Variants in STAC observed in about 807,000 individuals in gnomAD.
STAC encodes SH3 and cysteine rich domain.
A neutral mutation model predicts 48.8 loss-of-function variants in STAC; 43 were observed. The observed-to-expected ratio is 0.88, with a 90% confidence interval of 0.69 to 1.14. The LOEUF is 1.14. STAC is among the 50% of genes most tolerant of loss of function. The pLI, the probability that STAC is intolerant of heterozygous loss-of-function variation, is 0.00. For missense variants in STAC, 497 were observed against 504.0 expected, an observed-to-expected ratio of 0.99 and a Z score of 0.13; for synonymous variants, 193 against 179.5, an observed-to-expected ratio of 1.07 and a Z score of -0.60.
chr3:36,473,648 G>A (rs747574330), intron 2 of STAC, among the ~76,000 whole-genome samples: 12 of 152,000 alleles, frequency 7.9e-5, no homozygotes, highest in Admixed American at 2.0e-4. Context: ...TTACCACTCC[G>A]CCATGGTGTC....
intron 2 of STAC, among the ~76,000 whole-genome samples, chr3:36,444,215 A>G (rs1696441130): frequency 6.6e-6 from 1 of 152,228 alleles, no homozygotes; most frequent in Admixed American, 6.5e-5. Flanking sequence ...TCATGTTCTC[A>G]TGGTCTAGTC....
At chr3:36,419,401 A>G (rs1465375940) in intron 1 of STAC, among the ~76,000 whole-genome samples, 3 of 152,214 alleles carry the variant, frequency 2.0e-5, no homozygotes, top group Non-Finnish European at 4.4e-5. Context: ...TTCACCCCCT[A>G]AAGGTTCACT....
intron 10 of STAC, 93 bp downstream of exon 10, chr3:36,529,078 G>C (rs1330221741): frequency 8.1e-6 from 10 of 1,239,668 alleles, no homozygotes; most frequent in Non-Finnish European, 1.1e-5. Context: ...AATGAGTGGG[G>C]TCACATTCAA....
At chr3:36,439,323 C>T (rs1450371000) in intron 1 of STAC, among the ~76,000 whole-genome samples, 1 of 152,132 alleles carries the variant, frequency 6.6e-6, no homozygotes, top group African/African-American at 2.4e-5. Context: ...TCCTTGGTTC[C>T]CCACTTTTGT....
rs187676452 is a variant in STAC, at chr3:36,464,614, G to A, written c.389-18378G>A. The stretch of plus-strand genomic sequence containing the variant: ...TGCAAACTCTTTCCCCCAAGTCCCC[G>A]AAGTCCAATGTATCTTTCTTATGCC... On this transcript the variant is annotated intron_variant, in intron 2 of 10. Transcript: ENST00000273183. Among the ~76,000 whole-genome samples, 244 of 151,990 alleles carry A rather than the reference G, an allele frequency of 1.6e-3. 2 individuals carry two copies. Among genetic ancestry groups the A allele is most frequent in the Admixed American group, 1.0e-2 (152 of 15,262 alleles).
At position 36,501,024 on chromosome 3, in the gene STAC, C is replaced by G. The variant is rs1034387628; in HGVS notation, c.767-3369C>G. ...GAAGGATCACTTGAGCCTGGAAGGT[C>G]GAGGCTGCAGTGAGCTATAATTGTG... On this transcript the variant is annotated intron_variant, in intron 6 of 10. Coordinates refer to ENST00000273183, the MANE Select transcript of STAC (RefSeq NM_003149.3). Among the ~76,000 whole-genome samples the G allele has an allele frequency of 7.9e-5, 12 of 152,090 alleles. No individual in the cohort carries two copies. The South Asian group carries it at 8.3e-4, about 11-fold the overall frequency.
rs966554309 is a variant in STAC, at chr3:36,540,744, A to C, written c.1111-5447A>C. On this transcript the variant is annotated intron_variant, in intron 10 of 10. Transcript: ENST00000273183. ...ATAATCCCCTATAGAAAAAGCAAAGAAAGGAAGGAATAGAGCCCTTTTGAC... is the reference window on the plus strand; with the variant it reads ...ATAATCCCCTATAGAAAAAGCAAAGCAAGGAAGGAATAGAGCCCTTTTGAC... Among the ~76,000 whole-genome samples, 134 of 152,058 alleles carry C rather than the reference A, an allele frequency of 8.8e-4. 1 individual carries two copies. The highest frequency in any genetic ancestry group is 3.2e-4 in the Non-Finnish European group (22 of 68,022).
intron 1 of STAC, among the ~76,000 whole-genome samples, chr3:36,437,032 C>T (rs1228464631): frequency 6.6e-6 from 1 of 151,590 alleles, no homozygotes; most frequent in Admixed American, 6.6e-5. Context: ...AAAATGCTCA[C>T]CATCACTGGC....
At chr3:36,445,278 G>C (rs1312589663) in intron 2 of STAC, among the ~76,000 whole-genome samples, 3 of 152,158 alleles carry the variant, frequency 2.0e-5, no homozygotes, top group Admixed American at 6.5e-5. Context: ...ATGCTAAAGA[G>C]AGTTGCACTG....
intron 1 of STAC, 46 bp downstream of exon 1, chr3:36,380,800 C>A: frequency 6.8e-7 from 1 of 1,459,970 alleles, no homozygotes; most frequent in Admixed American, 1.8e-5. Context: ...TCACTCTCCT[C>A]TCCTGTCGGT....
intron 6 of STAC, among the ~76,000 whole-genome samples, chr3:36,502,147 TC>T (rs1406604165): frequency 6.6e-6 from 1 of 152,102 alleles, no homozygotes; most frequent in African/African-American, 2.4e-5. Flanking sequence ...AGAAGAAAGT[TC>T]TTTGGGGATG....
chr3:36,399,827 GC>G (rs1699965538), intron 1 of STAC, among the ~76,000 whole-genome samples: 1 of 152,116 alleles, frequency 6.6e-6, no homozygotes. Context: ...ATAAATCAAA[GC>G]CCAGATCTGG....
chr3:36,521,230 GA>G (rs1698797014), intron 8 of STAC, among the ~76,000 whole-genome samples: 2 of 152,032 alleles, frequency 1.3e-5, no homozygotes, highest in Non-Finnish European at 2.9e-5. Context: ...AAATATTAAA[GA>G]GGCTCAAAAT....
At chr3:36,398,517 AAGAG>A (rs1263196120) in intron 1 of STAC, among the ~76,000 whole-genome samples, 546 of 39,682 alleles carry the variant, frequency 0.014, 61 homozygotes, top group Middle Eastern at 0.037. Flanking sequence ...GAGAAAAAGA[AAGAG>A]AGAGAAAGAA....
At chr3:36,438,518 A>G (rs1696223775) in intron 1 of STAC, among the ~76,000 whole-genome samples, 1 of 152,210 alleles carries the variant, frequency 6.6e-6, no homozygotes, top group African/African-American at 2.4e-5. Flanking sequence ...TAATTAGAGA[A>G]AGCATGTTCC....
intron 1 of STAC, among the ~76,000 whole-genome samples, chr3:36,381,720 C>T (rs1013515695): frequency 6.6e-6 from 1 of 152,128 alleles, no homozygotes; most frequent in African/African-American, 2.4e-5. Flanking sequence ...CACATGCATC[C>T]CTGGAAGCCA....
chr3:36,512,230 A>T (rs1467952344), intron 8 of STAC, among the ~76,000 whole-genome samples: 1 of 152,140 alleles, frequency 6.6e-6, no homozygotes, highest in Non-Finnish European at 1.5e-5. Context: ...AATCAGTGGG[A>T]GAGGAGGAGA....
rs147796747 is a variant in STAC at position 36,483,380 on chromosome 3, G to T, written c.489+288G>T. Among the ~76,000 whole-genome samples, 944 of 152,260 alleles carry T rather than the reference G, an allele frequency of 6.2e-3. 6 individuals are homozygous for T. Among genetic ancestry groups the T allele is most frequent in the Non-Finnish European group, 0.01 (684 of 68,020 alleles). On this transcript the variant is annotated intron_variant, in intron 3 of 10. Transcript: ENST00000273183. ...TTTAATACTGAAAGTCCCACATCCT[G>T]GGTCTGTTCAGGTTTTAAAAGTGAA...
intron 10 of STAC, among the ~76,000 whole-genome samples, chr3:36,537,392 A>G (rs1426994793): frequency 6.6e-6 from 1 of 152,226 alleles, no homozygotes; most frequent in Non-Finnish European, 1.5e-5. Flanking sequence ...TGTCCTTTGC[A>G]GGGACATGGA....
Sources: gnomAD v4.1 joint callset for allele counts (sites outside exome capture counted in the v4.1 genomes callset) on GRCh38, gnomAD v4.1.1 for gene constraint, MANE v1.5 for transcripts, NCBI Gene and HGNC (gene_info 2026-07-23, HGNC 2026-07-21) for gene names.